The following LFNG variants were observed in gnomAD, a reference collection of about 807,000 sequenced individuals.
The protein encoded by LFNG is beta-1,3-N-acetylglucosaminyltransferase lunatic fringe.
LFNG carries 15 observed loss-of-function variants against 32.7 expected under a neutral mutation model. That is an observed-to-expected ratio of 0.46 (90% CI 0.31 to 0.71). LFNG has a LOEUF of 0.71. Ranked by LOEUF, LFNG falls within the 30% of genes least tolerant of loss-of-function variation. The probability of loss-of-function intolerance (pLI) is 0.06; values close to 1 mark genes in which losing one functional copy is unlikely to be tolerated. For synonymous variants in LFNG, 274 were observed against 246.8 expected, an observed-to-expected ratio of 1.11 and a Z score of -1.03; for missense variants, 520 against 545.7, an observed-to-expected ratio of 0.95 and a Z score of 0.47.
chr7:2,528,935 G>A (rs1027115121), downstream of LFNG: 4 of 509,352 alleles, frequency 7.9e-6, no homozygotes, highest in South Asian at 2.6e-5. Flanking sequence ...CTGGTGGGCT[G>A]GGGAGGCGCT....
rs1779738561 is a variant in LFNG at position 2,519,977 on chromosome 7, G to A, written c.116G>A (p.Arg39Gln). The A allele has an allele frequency of 6.1e-6, 6 of 982,454 alleles. No homozygotes were observed. The highest frequency in any genetic ancestry group is 1.1e-4 in the East Asian group (1 of 8,726). 60.9% of individuals were successfully genotyped at this position (982,454 alleles called of 1,614,324 possible). The change falls in exon 1 of 8, where the codon CGG (arginine) becomes CAG (glutamine). Residue 39 changes from arginine (R) to glutamine (Q), a missense_variant. Physicochemically the swap from Arg to Gln is conservative, Grantham distance 43. Coordinates refer to ENST00000222725, the MANE Select transcript of LFNG (RefSeq NM_001040167.2). ...CCTCCACTGCCCGCCGAGCGCGGCC[G>A]GCGCGCGCTGCGCAGCCTGGCGGGC... ...PPPPLPAERGRRALRSLAGPA... is the reference protein window; with the variant it reads ...PPPPLPAERGQRALRSLAGPA...
Position 2,526,233 on chromosome 7 carries a change from C to G in LFNG, c.822-11C>G. 6.2e-7 allele frequency: 1 copy of G among 1,612,598 alleles called. No homozygotes were observed. Among genetic ancestry groups the G allele is most frequent in the South Asian group, 1.1e-5 (1 of 91,084 alleles). ...CCTCTGCTCACTGGTCTGGGCCCTT[C>G]CCTCCCGCAGCGGGGGTCACTTCAT... On this transcript the variant is annotated splice_polypyrimidine_tract_variant and intron_variant, in intron 5 of 7. Transcript: ENST00000222725. The surrounding 1 kb of genome is among the most constrained non-coding windows in gnomAD (Gnocchi z 6.9).
chr7:2,521,047 C>T (rs1779773285), intron 1 of LFNG, among the ~76,000 whole-genome samples: 1 of 152,124 alleles, frequency 6.6e-6, no homozygotes, highest in Non-Finnish European at 1.5e-5. Context: ...GGGGGGGTGT[C>T]TCTGGGCTGG....
chr7:2,512,771 G>T, intron 1 of LFNG: 1 of 1,414,370 alleles, frequency 7.1e-7, no homozygotes, highest in Non-Finnish European at 1.0e-6. Flanking sequence ...TGAACCTGGA[G>T]CCCCCTATGT....
At position 2,526,901 on chromosome 7, in the gene LFNG, G is replaced by A. The variant is rs751281684; in HGVS notation, c.1053G>A (p.Ser351=). The change falls in exon 7 of 8, where the codon TCG becomes TCA. Residue 351 remains serine, a synonymous_variant. Coordinates refer to ENST00000222725, the MANE Select transcript of LFNG (RefSeq NM_001040167.2). The surrounding 1 kb of genome is among the most constrained non-coding windows in gnomAD (Gnocchi z 6.9). ...RNAVHVKGPF[S]VEADPSRFRS... is the part of the protein sequence containing the mutation. ...CCGTCCACGTGAAGGGGCCCTTCTC[G>A]GTGGAGGCCGACCCATCCAGGTAAG... 39 of 1,612,530 alleles carry A rather than the reference G, an allele frequency of 2.4e-5. No homozygotes were observed. The East Asian group carries it at 4.7e-4, about 19-fold the overall frequency.
chr7:2,522,333 A>G (rs1264981849), intron 1 of LFNG, among the ~76,000 whole-genome samples: 1 of 152,178 alleles, frequency 6.6e-6, no homozygotes, highest in Non-Finnish European at 1.5e-5. Flanking sequence ...GGAAACTTCT[A>G]GCAACTGGAG....
At position 2,527,700 on chromosome 7, in the gene LFNG, C is replaced by T. The variant is rs1196106110; in HGVS notation, c.*488C>T. The stretch of plus-strand genomic sequence containing the variant: ...TGAGCCATGCTCATTGCAGGGGAGG[C>T]TGGGTCTGGGGGTGCGTGACCCAAT... On this transcript the variant is annotated 3_prime_UTR_variant, in exon 8 of 8. Coordinates refer to ENST00000222725, the MANE Select transcript of LFNG (RefSeq NM_001040167.2). The surrounding 1 kb of genome is among the most constrained non-coding windows in gnomAD (Gnocchi z 4.4). The T allele has an allele frequency of 9.3e-7, 1 of 1,072,932 alleles. No homozygotes were observed. The highest frequency in any genetic ancestry group is 1.1e-6 in the Non-Finnish European group (1 of 880,534). 66.5% of individuals were successfully genotyped at this position (1,072,932 alleles called of 1,614,324 possible).
downstream of LFNG, chr7:2,528,788 C>T: frequency 1.5e-6 from 1 of 655,752 alleles, no homozygotes; most frequent in East Asian, 3.1e-5. Context: ...GGGACAGTGA[C>T]TCCTGTGACC....
chr7:2,527,154 C>T lies in LFNG; in HGVS notation c.1082C>T (p.Ser361Phe). ...CTGCTCTGTTCCCACAGGTTCCGCT[C>T]CATCCACTGCCACCTGTACCCGGAC... ...SVEADPSRFR[S>F]IHCHLYPDTP... Residue 361 changes from serine to phenylalanine, a missense_variant, in exon 8 of 8, where the codon TCC becomes TTC. This residue lies in a region of LFNG where 150 missense variants were observed against 159.9 expected (regional missense o/e 0.94). Coordinates refer to ENST00000222725, the MANE Select transcript of LFNG (RefSeq NM_001040167.2). The surrounding 1 kb of genome is among the most constrained non-coding windows in gnomAD (Gnocchi z 4.4). 1 of 1,612,784 alleles carries T rather than the reference C, an allele frequency of 6.2e-7. No individual in the cohort carries two copies. The highest frequency in any genetic ancestry group is 8.5e-7 in the Non-Finnish European group (1 of 1,179,884).
chr7:2,525,588 G>T lies in LFNG; in HGVS notation c.735+21G>T, dbSNP rs563505662. The T allele has an allele frequency of 1.2e-5, 19 of 1,612,090 alleles. No homozygotes were observed. The East Asian group carries it at 4.0e-4, about 34-fold the overall frequency. The stretch of plus-strand genomic sequence containing the variant: ...AGGTGGTGAGTGCCTGCCCCTCCCA[G>T]TCCCCCACGCCCACGCGGAGCGCAC... On this transcript the variant is annotated intron_variant, in intron 4 of 7. Transcript: ENST00000222725.
upstream of LFNG, chr7:2,513,181 C>A: frequency 6.2e-7 from 1 of 1,613,802 alleles, no homozygotes; most frequent in South Asian, 1.1e-5. Context: ...GGGCATGGAG[C>A]AAATGCTCAG....
intron 2 of LFNG, 31 bp from the exon 3 acceptor site, chr7:2,525,188 G>A: frequency 1.9e-6 from 3 of 1,596,498 alleles, no homozygotes; most frequent in Non-Finnish European, 2.6e-6. Flanking sequence ...AGCCGGCTCA[G>A]ACCTACTCAC....
chr7:2,521,410 C>G (rs1377046773), intron 1 of LFNG, among the ~76,000 whole-genome samples: 4 of 152,230 alleles, frequency 2.6e-5, no homozygotes, highest in Admixed American at 1.3e-4. Flanking sequence ...GGCTCTCACG[C>G]CGGCCCCTTG....
Position 2,526,733 on chromosome 7 carries a change from G to C in LFNG, c.988-103G>C. 1.8e-6 allele frequency: 2 copies of C among 1,087,302 alleles called. No individual in the cohort carries two copies. The highest frequency in any genetic ancestry group is 3.7e-5 in the Admixed American group (2 of 54,034). The allele number at this position is 1,087,302 out of a possible 1,614,324, so 67.4% of individuals were successfully genotyped here. ...AGGTGTCCTTCCAGGTCCAAGGGAGGCCAGGGCAGGGCCGTTGCCTCACTC... is the reference window on the plus strand; with the variant it reads ...AGGTGTCCTTCCAGGTCCAAGGGAGCCCAGGGCAGGGCCGTTGCCTCACTC... On this transcript the variant is annotated intron_variant, in intron 6 of 7. Coordinates refer to ENST00000222725, the MANE Select transcript of LFNG (RefSeq NM_001040167.2). The surrounding 1 kb of genome is among the most constrained non-coding windows in gnomAD (Gnocchi z 6.9).
rs1226953786 is a variant in LFNG, at chr7:2,519,794, C to T, written c.-68C>T. 3.3e-5 allele frequency: 31 copies of T among 929,762 alleles called. No homozygotes were observed. Among genetic ancestry groups the T allele is most frequent in the Non-Finnish European group, 4.0e-5 (31 of 771,638 alleles). 57.6% of individuals were successfully genotyped at this position (929,762 alleles called of 1,614,324 possible). On this transcript the variant is annotated 5_prime_UTR_variant, in exon 1 of 8. Coordinates refer to ENST00000222725, the MANE Select transcript of LFNG (RefSeq NM_001040167.2). ...GCGCTGCTGGACTGCGCCGCCGGAG[C>T]GACGGGCTTCGGGTCGGTGCAAGGC...
Position 2,520,062 on chromosome 7 carries a change from G to C in LFNG, c.201G>C (p.Leu67=). ...CGGCGGCGGCGGCGCCCGGGGCGCTGGTCCGCGACGTGCACAGTCTGTCCG... is the reference window on the plus strand; with the variant it reads ...CGGCGGCGGCGGCGCCCGGGGCGCTCGTCCGCGACGTGCACAGTCTGTCCG... The part of the protein sequence containing the change: ...LGAAAAAPGA[L]VRDVHSLSEY... Residue 67 remains leucine, a synonymous_variant, in exon 1 of 8, where the codon CTG becomes CTC. Coordinates refer to ENST00000222725, the MANE Select transcript of LFNG (RefSeq NM_001040167.2). The surrounding 1 kb of genome is among the most constrained non-coding windows in gnomAD (Gnocchi z 5.0). 1.7e-6 allele frequency: 2 copies of C among 1,185,888 alleles called. No individual in the cohort carries two copies. The highest frequency in any genetic ancestry group is 2.1e-6 in the Non-Finnish European group (2 of 954,636). The allele number at this position is 1,185,888 out of a possible 1,614,324, so 73.5% of individuals were successfully genotyped here.
chr7:2,518,629 G>T (rs1300928268), upstream of LFNG: 15 of 1,608,244 alleles, frequency 9.3e-6, no homozygotes, highest in Non-Finnish European at 1.2e-5. Context: ...GGCACTTAAA[G>T]AATTTAAAAT....
At chr7:2,524,876 G>A (rs1779906630) in intron 2 of LFNG, 133 bp downstream of exon 2, 1 of 840,830 alleles carries the variant, frequency 1.2e-6, no homozygotes, top group Non-Finnish European at 1.9e-6. Flanking sequence ...TACTCATGGG[G>A]TTTGCTCCAT....
chr7:2,525,400 T>G lies in LFNG; in HGVS notation c.582-14T>G. 1 of 1,612,802 alleles carries G rather than the reference T, an allele frequency of 6.2e-7. No homozygotes were observed. Among genetic ancestry groups the G allele is most frequent in the Non-Finnish European group, 8.5e-7 (1 of 1,179,820 alleles). ...CCGGCATGCCCTCCCCCGATGGCCC[T>G]GCCTTGTCCTCAGGTGGTTCTGCCA... On this transcript the variant is annotated splice_polypyrimidine_tract_variant and intron_variant, in intron 3 of 7. Coordinates refer to ENST00000222725, the MANE Select transcript of LFNG (RefSeq NM_001040167.2).
Sources: allele counts gnomAD v4.1 joint callset (sites outside exome capture counted in the v4.1 genomes callset), GRCh38; gene constraint gnomAD v4.1.1; regional missense constraint gnomAD v4.1.1; non-coding constraint Gnocchi (gnomAD v3.1); transcripts MANE v1.5; gene names NCBI Gene and HGNC (gene_info 2026-07-23, HGNC 2026-07-21).